PTCSC3: variants seen among roughly 807,000 people sequenced by gnomAD.
The protein encoded by PTCSC3 is papillary thyroid carcinoma susceptibility candidate 3 (non-protein coding).
intron 3 of PTCSC3, among the ~76,000 whole-genome samples, chr14:36,151,681 A>G (rs1881727937): frequency 6.6e-6 from 1 of 152,020 alleles, no homozygotes; most frequent in Non-Finnish European, 1.5e-5. Context: ...TTTCTCCCCT[A>G]TGCTTATGTG....
intron 2 of PTCSC3, among the ~76,000 whole-genome samples, chr14:36,155,244 A>G (rs575673056): frequency 3.5e-4 from 53 of 152,298 alleles, no homozygotes; most frequent in Non-Finnish European, 7.1e-4. Flanking sequence ...TTTCTTCCTT[A>G]TCTGTATACC....
intron 3 of PTCSC3, among the ~76,000 whole-genome samples, chr14:36,152,272 A>G (rs148291250): frequency 6.6e-6 from 1 of 152,204 alleles, no homozygotes; most frequent in South Asian, 2.1e-4. Context: ...ATTAAAATAA[A>G]AAAAAAACTT....
intron 2 of PTCSC3, among the ~76,000 whole-genome samples, chr14:36,160,203 A>G (rs1881924317): frequency 6.6e-6 from 1 of 152,148 alleles, no homozygotes; most frequent in Admixed American, 6.5e-5. Flanking sequence ...GTGTCTTTTA[A>G]TTGGGGCATT....
intron 3 of PTCSC3, among the ~76,000 whole-genome samples, chr14:36,139,718 A>AT (rs1881375443): frequency 6.6e-6 from 1 of 152,190 alleles, no homozygotes; most frequent in Admixed American, 6.5e-5. Context: ...AGAAAAACTG[A>AT]ATGGATTATG....
At chr14:36,167,094 C>G (rs1053353673) in intron 1 of PTCSC3, among the ~76,000 whole-genome samples, 7 of 152,186 alleles carry the variant, frequency 4.6e-5, no homozygotes, top group Admixed American at 2.0e-4. Context: ...GGTCAACTTT[C>G]TGGATGTTAG....
intron 2 of PTCSC3, among the ~76,000 whole-genome samples, chr14:36,154,193 T>C (rs922119222): frequency 1.3e-5 from 2 of 152,170 alleles, no homozygotes; most frequent in African/African-American, 4.8e-5. Flanking sequence ...ATTAGAATAG[T>C]GGTTACCTTC....
chr14:36,173,836 G>A (rs1023420843), intron 1 of PTCSC3, among the ~76,000 whole-genome samples: 14 of 151,972 alleles, frequency 9.2e-5, no homozygotes, highest in Admixed American at 3.9e-4. Flanking sequence ...TCTTGTTTAC[G>A]GAGGCTCTTT....
chr14:36,172,931 CTT>C (rs1382610418), intron 1 of PTCSC3, among the ~76,000 whole-genome samples: 2 of 151,378 alleles, frequency 1.3e-5, no homozygotes, highest in East Asian at 3.8e-4. Flanking sequence ...AACATAAAAA[CTT>C]AAAACTTGCT....
chr14:36,136,437 G>T (rs1036320209), intron 3 of PTCSC3: 1 of 152,164 alleles, frequency 6.6e-6, no homozygotes, highest in African/African-American at 2.4e-5. Flanking sequence ...TTATACTTTA[G>T]AAGTAAGTTT....
At chr14:36,167,176 T>C (rs1014836076) in intron 1 of PTCSC3, among the ~76,000 whole-genome samples, 2 of 152,220 alleles carry the variant, frequency 1.3e-5, no homozygotes, top group African/African-American at 4.8e-5. Context: ...TTCAGTACTT[T>C]TTCTCCTCTT....
intron 2 of PTCSC3, among the ~76,000 whole-genome samples, chr14:36,156,171 T>C (rs1422940227): frequency 6.6e-6 from 1 of 152,266 alleles, no homozygotes; most frequent in Non-Finnish European, 1.5e-5. Context: ...ACGTCTCTGC[T>C]CATGGTGAGC....
At position 36,164,749 on chromosome 14, in the gene PTCSC3, CAG is replaced by C. The variant is rs566068729; in HGVS notation, n.172-2068_172-2067del. Among the ~76,000 whole-genome samples, 208 of 152,222 alleles carry C rather than the reference CAG, an allele frequency of 1.4e-3. 2 individuals are homozygous for C. The highest frequency in any genetic ancestry group is 4.9e-3 in the African/African-American group (204 of 41,514). ...TTACATTGTAGTTCTGCATTGCTGC[CAG>C]GAGACATCAGAACCATTTTTACAAT... On this transcript the variant is annotated intron_variant and non_coding_transcript_variant, in intron 1 of 3. Transcript: ENST00000556013.
At chr14:36,138,841 G>A (rs1175760066) in intron 3 of PTCSC3, among the ~76,000 whole-genome samples, 3 of 152,092 alleles carry the variant, frequency 2.0e-5, no homozygotes, top group Non-Finnish European at 4.4e-5. Context: ...ATATGTGGCC[G>A]GGCGCGGGTG....
chr14:36,174,511 T>C (rs986365282), intron 1 of PTCSC3, among the ~76,000 whole-genome samples: 8 of 152,210 alleles, frequency 5.3e-5, no homozygotes, highest in Non-Finnish European at 7.3e-5. Context: ...AGTGATTAAA[T>C]AGTGAACACT....
chr14:36,144,321 C>T (rs1345852606), intron 3 of PTCSC3, among the ~76,000 whole-genome samples: 1 of 146,490 alleles, frequency 6.8e-6, no homozygotes, highest in Non-Finnish European at 1.5e-5. Context: ...TGTTTGTATC[C>T]TCTTTTATTT....
At chr14:36,146,577 C>T (rs1159331347) in intron 3 of PTCSC3, among the ~76,000 whole-genome samples, 1 of 152,100 alleles carries the variant, frequency 6.6e-6, no homozygotes, top group Non-Finnish European at 1.5e-5. Flanking sequence ...AGATGGGTTT[C>T]CTGAATACAG....
chr14:36,148,908 A>C (rs1881657659), intron 3 of PTCSC3, among the ~76,000 whole-genome samples: 1 of 152,018 alleles, frequency 6.6e-6, no homozygotes, highest in South Asian at 2.1e-4. Flanking sequence ...TTATTTTTAC[A>C]TTGTTAGCCT....
At chr14:36,166,142 C>T (rs1321679913) in intron 1 of PTCSC3, among the ~76,000 whole-genome samples, 1 of 152,238 alleles carries the variant, frequency 6.6e-6, no homozygotes, top group Non-Finnish European at 1.5e-5. Context: ...GTCCACCTGT[C>T]TGTCCATCCA....
downstream of PTCSC3, among the ~76,000 whole-genome samples, chr14:36,135,172 A>G (rs1032213463): frequency 1.3e-5 from 2 of 152,194 alleles, no homozygotes; most frequent in African/African-American, 4.8e-5. Flanking sequence ...GAAAAATGGA[A>G]GTTTACTTTA....
Sources: allele counts gnomAD v4.1 joint callset (sites outside exome capture counted in the v4.1 genomes callset), GRCh38; gene constraint gnomAD v4.1.1; transcripts MANE v1.5; gene names NCBI Gene and HGNC (gene_info 2026-07-23, HGNC 2026-07-21).